ARFGEF1: variants seen among roughly 807,000 people sequenced by gnomAD.
ARFGEF1 encodes brefeldin A-inhibited guanine nucleotide-exchange protein 1.
In ARFGEF1, 42 loss-of-function variants were observed where a neutral mutation model predicts 231.0. That is an observed-to-expected ratio of 0.18 (90% CI 0.14 to 0.24). The LOEUF (loss-of-function observed/expected upper bound fraction) is 0.24, where lower values mean the gene tolerates loss of function less well. Ranked by LOEUF, ARFGEF1 falls within the 10% of genes least tolerant of loss-of-function variation. The probability of loss-of-function intolerance (pLI) is 1.00; values close to 1 mark genes in which losing one functional copy is unlikely to be tolerated. For missense variants in ARFGEF1, 1,345 were observed against 2,192.0 expected, an observed-to-expected ratio of 0.61 and a Z score of 7.72; for synonymous variants, 710 against 732.3, an observed-to-expected ratio of 0.97 and a Z score of 0.49.
At chr8:67,202,316 G>A (rs1325519636) in intron 36 of ARFGEF1, among the ~76,000 whole-genome samples, 1 of 152,052 alleles carries the variant, frequency 6.6e-6, no homozygotes, top group East Asian at 1.9e-4. Context: ...CTGGAGGGGA[G>A]TAGTGTGATC....
downstream of ARFGEF1, chr8:67,174,328 A>G (rs1238785504): frequency 6.6e-6 from 1 of 152,192 alleles, no homozygotes; most frequent in African/African-American, 2.4e-5. Flanking sequence ...AAAGCTTTAT[A>G]CATATTTAGG....
chr8:67,286,213 C>T (rs1054293883), intron 7 of ARFGEF1, among the ~76,000 whole-genome samples: 3 of 152,156 alleles, frequency 2.0e-5, no homozygotes, highest in Admixed American at 6.5e-5. Flanking sequence ...AAGACACATA[C>T]ATTATGTGCA....
intron 17 of ARFGEF1, among the ~76,000 whole-genome samples, chr8:67,255,798 T>A (rs567120542): frequency 1.3e-5 from 2 of 152,322 alleles, no homozygotes; most frequent in East Asian, 3.9e-4. Context: ...AGACTAGGAC[T>A]CCAAGCACAT....
intron 19 of ARFGEF1, among the ~76,000 whole-genome samples, chr8:67,246,880 C>T (rs1051399281): frequency 1.3e-5 from 2 of 149,982 alleles, no homozygotes; most frequent in Admixed American, 1.3e-4. Context: ...ACCGAAGACA[C>T]AAATAAATAA....
At position 67,343,682 on chromosome 8, in the gene ARFGEF1, G is replaced by T; in HGVS notation, c.-395C>A. ...GGCGGCTCTCAGAGGCACCGCGAGA[G>T]AAGGGCTACCCTGGCTACTGTGGGG... is the stretch of plus-strand genomic sequence containing the variant. On this transcript the variant is annotated 5_prime_UTR_variant, in exon 1 of 39. Transcript: ENST00000262215. 1.1e-6 allele frequency: 1 copy of T among 894,722 alleles called. No homozygotes were observed. Among genetic ancestry groups the T allele is most frequent in the Non-Finnish European group, 1.3e-6 (1 of 741,958 alleles). 55.4% of individuals were successfully genotyped at this position (894,722 alleles called of 1,614,324 possible). A position where few individuals can be genotyped will look rare whatever the true frequency, so the allele number is the denominator to read the frequency against.
At chr8:67,254,547 A>T (rs1840395675) in intron 17 of ARFGEF1, among the ~76,000 whole-genome samples, 1 of 152,120 alleles carries the variant, frequency 6.6e-6, no homozygotes, top group Non-Finnish European at 1.5e-5. Flanking sequence ...AAAACTATAG[A>T]GAGTGTGGTG....
chr8:67,269,783 A>G (rs1804999669), intron 10 of ARFGEF1, among the ~76,000 whole-genome samples: 1 of 152,300 alleles, frequency 6.6e-6, no homozygotes, highest in South Asian at 2.1e-4. Context: ...AAATTAGAAT[A>G]TTATAATAAT....
At position 67,328,974 on chromosome 8, in the gene ARFGEF1, T is replaced by C. The variant is rs532424739; in HGVS notation, c.124+14190A>G. ...GGCCCAGTAGCCTACACCTGTATAA[T>C]CCCTGGACTTTGGAAGGTTGAGGCG... On this transcript the variant is annotated intron_variant, in intron 1 of 38. Transcript: ENST00000262215. 2.0e-5 allele frequency among the ~76,000 whole-genome samples: 3 copies of C among 152,280 alleles called. No homozygotes were observed. In the East Asian group the frequency reaches 5.8e-4, roughly 29 times the overall value.
downstream of ARFGEF1, chr8:67,173,679 G>A (rs1830927750): frequency 6.6e-6 from 1 of 152,064 alleles, no homozygotes; most frequent in Non-Finnish European, 1.5e-5. Flanking sequence ...GATAAATTGT[G>A]TTATTTATTT....
downstream of ARFGEF1, among the ~76,000 whole-genome samples, chr8:67,196,546 T>G (rs532004706): frequency 2.0e-5 from 3 of 152,230 alleles, no homozygotes; most frequent in Non-Finnish European, 4.4e-5. Context: ...TAATACTTCC[T>G]CTGATGTAAT....
At chr8:67,281,139 G>A (rs1669738738) in intron 7 of ARFGEF1, among the ~76,000 whole-genome samples, 1 of 151,908 alleles carries the variant, frequency 6.6e-6, no homozygotes, top group African/African-American at 2.4e-5. Flanking sequence ...TTGCAAAATG[G>A]AAAAACCCTT....
chr8:67,199,897 A>ATTTTTTTTTTTTTT (rs1838263990), intron 38 of ARFGEF1: 1 of 229,142 alleles, frequency 4.4e-6, no homozygotes, highest in African/African-American at 2.2e-5. Flanking sequence ...ATATATGTGT[A>ATTTTTTTTTTTTTT]TTTTATCTTT....
At chr8:67,332,884 A>G (rs1808164220) in intron 1 of ARFGEF1, among the ~76,000 whole-genome samples, 1 of 152,166 alleles carries the variant, frequency 6.6e-6, no homozygotes, top group Non-Finnish European at 1.5e-5. Flanking sequence ...TGCAAAATGC[A>G]GGTAATAACA....
chr8:67,336,196 C>A (rs1308597995), intron 1 of ARFGEF1, among the ~76,000 whole-genome samples: 2 of 152,164 alleles, frequency 1.3e-5, no homozygotes, highest in East Asian at 3.9e-4. Flanking sequence ...TACTTGAGCC[C>A]AGACCTTTTA....
Position 67,279,494 on chromosome 8 carries a change from A to C in ARFGEF1, c.1028-2037T>G, listed in dbSNP as rs117044874. Among the ~76,000 whole-genome samples the C allele has an allele frequency of 3.6e-4, 55 of 152,134 alleles. 1 individual carries two copies. The East Asian group carries it at 9.9e-3, about 27-fold the overall frequency. On this transcript the variant is annotated intron_variant, in intron 7 of 38. Coordinates refer to ENST00000262215, the MANE Select transcript of ARFGEF1 (RefSeq NM_006421.5). The stretch of plus-strand genomic sequence containing the variant: ...TCAAATATTTTCACACACACACACA[A>C]AATCTTCCTTCACCTCTTGCTACAC...
chr8:67,338,881 T>C (rs1808468912), intron 1 of ARFGEF1, among the ~76,000 whole-genome samples: 1 of 152,194 alleles, frequency 6.6e-6, no homozygotes, highest in Non-Finnish European at 1.5e-5. Context: ...AGGATATTGT[T>C]TGGGGATAAA....
In ARFGEF1 at chr8:67,246,072, A is replaced by G. The variant is rs181932203; in HGVS notation, c.2850+5227T>C. 2.8e-4 allele frequency among the ~76,000 whole-genome samples: 42 copies of G among 150,152 alleles called. 1 individual carries two copies. The East Asian group carries it at 7.7e-3, about 28-fold the overall frequency. On this transcript the variant is annotated intron_variant, in intron 19 of 38. Transcript: ENST00000262215. ...ATTGTGTGTGGATGTGTGTGTGTGT[A>G]TATATATAGATATGCACACCCAGCA...
chr8:67,245,346 G>A (rs1468780524), intron 19 of ARFGEF1, among the ~76,000 whole-genome samples: 1 of 150,440 alleles, frequency 6.6e-6, no homozygotes, highest in Non-Finnish European at 1.5e-5. Flanking sequence ...TGTAACTGTG[G>A]ACATGTAAAA....
chr8:67,333,608 C>T (rs1474732679), intron 1 of ARFGEF1, among the ~76,000 whole-genome samples: 1 of 152,124 alleles, frequency 6.6e-6, no homozygotes, highest in Non-Finnish European at 1.5e-5. Context: ...GCCGCCACAT[C>T]TGGCTGTTCA....
Sources: allele counts gnomAD v4.1 joint callset (sites outside exome capture counted in the v4.1 genomes callset), GRCh38; gene constraint gnomAD v4.1.1; transcripts MANE v1.5; gene names NCBI Gene and HGNC (gene_info 2026-07-23, HGNC 2026-07-21).